Variants in DCAF8L2 observed in about 807,000 individuals in gnomAD.
DCAF8L2 encodes the protein DDB1- and CUL4-associated factor 8-like protein 2.
For missense variants in DCAF8L2, 430 were observed against 490.7 expected (o/e 0.88, Z 1.17); for synonymous variants, 200 against 190.9 (o/e 1.05, Z -0.39).
intron 4 of DCAF8L2, among the ~76,000 whole-genome samples, chrX:27,736,129 CCCATTCTGT>C (rs1921504358): frequency 9.0e-6 from 1 of 110,611 alleles, no homozygotes; most frequent in East Asian, 2.9e-4. Context: ...CATACTCCAC[CCCATTCTGT>C]CCCTTCAATA....
intron 2 of DCAF8L2, among the ~76,000 whole-genome samples, chrX:27,677,604 G>T (rs59306410): frequency 0.094 from 10,431 of 111,047 alleles, 1,187 homozygotes; most frequent in African/African-American, 0.32. Context: ...AGAAAATCAG[G>T]CAGGGGTTTG....
chrX:27,510,394 T>C, the DCAF8L2 span, among the ~76,000 whole-genome samples: 3 of 60,313 alleles, frequency 5.0e-5, no homozygotes, highest in Non-Finnish European at 1.1e-4. Context: ...CCTTCAAAAC[T>C]ACAATACATA....
intron 1 of DCAF8L2, among the ~76,000 whole-genome samples, chrX:27,616,612 C>G (rs1056954268): frequency 1.8e-5 from 2 of 111,351 alleles, no homozygotes; most frequent in African/African-American, 6.5e-5. Context: ...TAAACAATGT[C>G]ATTAGTTTTT....
the DCAF8L2 span, among the ~76,000 whole-genome samples, chrX:27,502,335 A>AAAAAATAT: frequency 1.6e-4 from 2 of 12,718 alleles, no homozygotes; most frequent in Non-Finnish European, 3.0e-4. Context: ...AAAAAAAAAA[A>AAAAAATAT]ATATATATAT....
At chrX:27,586,705 A>C (rs1286959397), upstream of DCAF8L2, among the ~76,000 whole-genome samples, 3 of 110,835 alleles carry the variant, frequency 2.7e-5, no homozygotes, top group Non-Finnish European at 5.7e-5. Flanking sequence ...TTTTATTCTC[A>C]CTTTTCACCT....
chrX:27,686,452 T>C (rs1930511073), intron 3 of DCAF8L2, among the ~76,000 whole-genome samples: 1 of 110,461 alleles, frequency 9.1e-6, no homozygotes, highest in Admixed American at 9.7e-5. Flanking sequence ...TGGGGGTCAT[T>C]ATATTAAGTA....
At chrX:27,611,187 C>T (rs962076285) in intron 1 of DCAF8L2, among the ~76,000 whole-genome samples, 2 of 110,776 alleles carry the variant, frequency 1.8e-5, no homozygotes, top group South Asian at 3.8e-4. Flanking sequence ...AGGTACACTA[C>T]GGGGATGGGA....
chrX:27,747,086 A>T lies in DCAF8L2; in HGVS notation c.191A>T (p.Asn64Ile). The T allele has an allele frequency of 8.6e-7, 1 of 1,168,436 alleles. No individual in the cohort carries two copies. The highest frequency in any genetic ancestry group is 1.1e-6 in the Non-Finnish European group (1 of 873,261). Reference protein sequence around the residue: ...GSDSRDGGFPNDASTENRSSD... With the variant: ...GSDSRDGGFPIDASTENRSSD... Reference sequence around the variant, plus strand: ...GATAGCAGGGATGGTGGATTCCCCAACGATGCCAGCACAGAAAATCGAAGC... The same window carrying T: ...GATAGCAGGGATGGTGGATTCCCCATCGATGCCAGCACAGAAAATCGAAGC... Residue 64 changes from asparagine to isoleucine, a missense_variant, in exon 5 of 5, where the codon AAC becomes ATC. Transcript: ENST00000451261.
intron 4 of DCAF8L2, among the ~76,000 whole-genome samples, chrX:27,731,538 A>G (rs1261975270): frequency 9.0e-6 from 1 of 111,676 alleles, no homozygotes; most frequent in Non-Finnish European, 1.9e-5. Flanking sequence ...ATATCCTCAT[A>G]TGGCAGAAAG....
At chrX:27,728,744 GTC>G (rs1207030886) in intron 4 of DCAF8L2, among the ~76,000 whole-genome samples, 1 of 112,031 alleles carries the variant, frequency 8.9e-6, no homozygotes, top group African/African-American at 3.2e-5. Flanking sequence ...TCTTCTTAAA[GTC>G]TGTTCAGTCA....
At chrX:27,559,118 G>A in the DCAF8L2 span, among the ~76,000 whole-genome samples, 2 of 110,733 alleles carry the variant, frequency 1.8e-5, no homozygotes, top group African/African-American at 6.6e-5. Context: ...CCCCAGCCAT[G>A]CCTCCTGTAC....
intron 2 of DCAF8L2, among the ~76,000 whole-genome samples, chrX:27,669,526 G>A (rs977392567): frequency 1.8e-5 from 2 of 108,932 alleles, no homozygotes; most frequent in Non-Finnish European, 1.9e-5. Context: ...TGCACAATGT[G>A]CAGGTTAGTT....
upstream of DCAF8L2, among the ~76,000 whole-genome samples, chrX:27,588,129 A>G (rs777736679): frequency 3.7e-5 from 4 of 108,124 alleles, no homozygotes; most frequent in South Asian, 1.7e-3. Context: ...GGTAGCGAAC[A>G]TAGTCCTCAA....
the DCAF8L2 span, among the ~76,000 whole-genome samples, chrX:27,488,591 T>C: frequency 0.017 from 1,750 of 104,788 alleles, 19 homozygotes; most frequent in Non-Finnish European, 0.025. Flanking sequence ...TAAGCAGCCT[T>C]TGCAATGTCA....
the DCAF8L2 span, among the ~76,000 whole-genome samples, chrX:27,576,985 C>G: frequency 4.9e-3 from 546 of 111,665 alleles, 15 homozygotes; most frequent in East Asian, 0.12. Context: ...AAGGCTCTCA[C>G]CCAGTGGAAA....
chrX:27,738,056 C>A (rs1449859941), intron 4 of DCAF8L2, among the ~76,000 whole-genome samples: 1 of 111,434 alleles, frequency 9.0e-6, no homozygotes, highest in Non-Finnish European at 1.9e-5. Context: ...AATAACCCAT[C>A]TTTTTCTTTG....
chrX:27,505,211 A>G, the DCAF8L2 span, among the ~76,000 whole-genome samples: 1 of 111,493 alleles, frequency 9.0e-6, no homozygotes, highest in Non-Finnish European at 1.9e-5. Flanking sequence ...CACTTTACAG[A>G]TGAAAAAACA....
chrX:27,636,132 T>C (rs186748411), intron 2 of DCAF8L2, among the ~76,000 whole-genome samples: 1 of 111,264 alleles, frequency 9.0e-6, no homozygotes, highest in East Asian at 2.8e-4. Flanking sequence ...TTTCTATTAA[T>C]GTCAATAAAA....
At chrX:27,483,076 G>A in the DCAF8L2 span, among the ~76,000 whole-genome samples, 4 of 111,467 alleles carry the variant, frequency 3.6e-5, no homozygotes, top group Non-Finnish European at 7.5e-5. Flanking sequence ...CATTTAAAAC[G>A]ACATTGCATT....
Sources: gnomAD v4.1 joint callset for allele counts (sites outside exome capture counted in the v4.1 genomes callset) on GRCh38, gnomAD v4.1.1 for gene constraint, MANE v1.5 for transcripts, NCBI Gene and HGNC (gene_info 2026-07-23, HGNC 2026-07-21) for gene names.